C4orf51: variants seen among roughly 807,000 people sequenced by gnomAD.
The protein encoded by C4orf51 is chromosome 4 open reading frame 51.
A neutral mutation model predicts 25.2 loss-of-function variants in C4orf51; 25 were observed. The observed-to-expected ratio is 0.99, with a 90% CI of 0.72 to 1.39. The LOEUF is 1.39. Among genes scored for constraint, C4orf51 ranks in the 40% most tolerant of loss-of-function variants. The pLI is 0.00. For synonymous variants in C4orf51, 100 were observed against 84.5 expected, an observed-to-expected ratio of 1.18 and a Z score of -1.01; for missense variants, 252 against 239.6, an observed-to-expected ratio of 1.05 and a Z score of -0.34.
At chr4:145,744,801 C>T (rs751056786) in intron 1 of C4orf51, among the ~76,000 whole-genome samples, 9 of 149,650 alleles carry the variant, frequency 6.0e-5, no homozygotes, top group Admixed American at 2.0e-4. Flanking sequence ...TGCAGTGAGC[C>T]AAGATAGCGC....
chr4:145,711,581 C>T (rs1167721001), intron 2 of C4orf51, among the ~76,000 whole-genome samples: 1 of 152,084 alleles, frequency 6.6e-6, no homozygotes, highest in Non-Finnish European at 1.5e-5. Flanking sequence ...CCCCAAATCC[C>T]ATAGCCTTTC....
At chr4:145,721,678 G>A (rs1315456193) in intron 2 of C4orf51, among the ~76,000 whole-genome samples, 3 of 152,228 alleles carry the variant, frequency 2.0e-5, no homozygotes, top group African/African-American at 7.2e-5. Context: ...AACATTGGCA[G>A]CCAAGCCTGT....
chr4:145,782,674 C>T, the C4orf51 span, among the ~76,000 whole-genome samples: 1 of 152,312 alleles, frequency 6.6e-6, no homozygotes, highest in African/African-American at 2.4e-5. Context: ...TTCCGAGGCA[C>T]AAATCTCATC....
intron 1 of C4orf51, among the ~76,000 whole-genome samples, chr4:145,753,801 G>C (rs184221297): frequency 5.3e-5 from 8 of 152,262 alleles, no homozygotes; most frequent in Admixed American, 5.2e-4. Context: ...AGAGGCTATG[G>C]TGGAAGGCAG....
downstream of C4orf51, among the ~76,000 whole-genome samples, chr4:145,773,445 A>C (rs1366162718): frequency 3.3e-5 from 5 of 152,174 alleles, no homozygotes; most frequent in Non-Finnish European, 7.3e-5. Flanking sequence ...CACAACTGTC[A>C]GGGAAATTCC....
Position 145,731,564 on chromosome 4 carries a change from C to CTTTTTTTTTT in C4orf51, c.502-865_502-856dup, listed in dbSNP as rs398051305. 6.4e-4 allele frequency among the ~76,000 whole-genome samples: 28 copies of CTTTTTTTTTT among 43,876 alleles called. 2 individuals are homozygous for CTTTTTTTTTT. Among genetic ancestry groups the CTTTTTTTTTT allele is most frequent in the East Asian group, 2.5e-3 (3 of 1,206 alleles). The allele number at this position is 43,876 out of a possible 152,430, so 28.8% of individuals were successfully genotyped here. On this transcript the variant is annotated intron_variant, in intron 5 of 5. Transcript: ENST00000438731. The stretch of plus-strand genomic sequence containing the variant: ...TTTTTATTTATGAGACAAGGCAAAT[C>CTTTTTTTTTT]TTTTTTTTTTTTTTTTTTTTTTTTT...
At chr4:145,695,801 T>C (rs1265842812) in intron 1 of C4orf51, among the ~76,000 whole-genome samples, 2 of 152,084 alleles carry the variant, frequency 1.3e-5, no homozygotes, top group African/African-American at 4.8e-5. Context: ...GAAAATGGGG[T>C]ACATATACAT....
intron 1 of C4orf51, among the ~76,000 whole-genome samples, chr4:145,768,374 A>G (rs539565755): frequency 6.6e-6 from 1 of 152,264 alleles, no homozygotes; most frequent in Non-Finnish European, 1.5e-5. Flanking sequence ...CATGTTGGCC[A>G]GGCTGGTCTT....
At chr4:145,701,418 A>G (rs1730433687) in intron 2 of C4orf51, among the ~76,000 whole-genome samples, 2 of 152,078 alleles carry the variant, frequency 1.3e-5, no homozygotes, top group African/African-American at 2.4e-5. Context: ...CCTGCAGCCC[A>G]GGATTCCTCC....
intron 2 of C4orf51, among the ~76,000 whole-genome samples, chr4:145,704,899 G>A (rs1195335931): frequency 6.6e-6 from 1 of 152,278 alleles, no homozygotes; most frequent in East Asian, 1.9e-4. Flanking sequence ...GGTGAAGCAG[G>A]TGACTTGAGA....
At chr4:145,737,777 C>T (rs1732881518), downstream of C4orf51, among the ~76,000 whole-genome samples, 1 of 152,180 alleles carries the variant, frequency 6.6e-6, no homozygotes, top group Admixed American at 6.5e-5. Flanking sequence ...CGTAGATAAT[C>T]CTCTGTATCC....
chr4:145,701,546 C>A (rs956592895), intron 2 of C4orf51, among the ~76,000 whole-genome samples: 5 of 151,848 alleles, frequency 3.3e-5, no homozygotes, highest in African/African-American at 1.2e-4. Flanking sequence ...GACTCCTTGG[C>A]TTAGCGGCTG....
chr4:145,729,753 G>T, intron 4 of C4orf51, 139 bp from the exon 5 acceptor site: 1 of 654,984 alleles, frequency 1.5e-6, no homozygotes, highest in Non-Finnish European at 2.7e-6. Context: ...CACTCATGCT[G>T]GTGGCAGAGG....
intron 2 of C4orf51, among the ~76,000 whole-genome samples, chr4:145,697,175 C>T (rs1730124426): frequency 1.3e-5 from 2 of 150,596 alleles, no homozygotes; most frequent in Non-Finnish European, 2.9e-5. Context: ...TCTTGGCTCG[C>T]TGCAAACTTT....
chr4:145,768,890 AATATATAT>A lies in C4orf51; in HGVS notation n.167-2079_167-2072del, dbSNP rs1553975846. Among the ~76,000 whole-genome samples the A allele has an allele frequency of 4.9e-3, 38 of 7,724 alleles. 3 individuals carry two copies. Among genetic ancestry groups the A allele is most frequent in the South Asian group, 0.011 (2 of 186 alleles). 5.1% of individuals were successfully genotyped at this position (7,724 alleles called of 152,430 possible). A position where few individuals can be genotyped will look rare whatever the true frequency, so the allele number is the denominator to read the frequency against. On this transcript the variant is annotated intron_variant and non_coding_transcript_variant, in intron 1 of 1. Coordinates refer to the C4orf51 transcript ENST00000510096. ...AAAAAAAAAAAAAAAAAAAAAAAAA[AATATATAT>A]ATATATATATATATATATTAGGTAT...
At chr4:145,774,548 C>T (rs1736759957), downstream of C4orf51, 1 of 1,612,290 alleles carries the variant, frequency 6.2e-7, no homozygotes. Flanking sequence ...TCTGCTTCCT[C>T]CATGGTGACG....
At chr4:145,738,459 C>CATAT (rs58754234) in intron 1 of C4orf51, among the ~76,000 whole-genome samples, 21,158 of 146,372 alleles carry the variant, frequency 0.14, 1,535 homozygotes, top group Admixed American at 0.18. Flanking sequence ...CGAAAAAAAA[C>CATAT]ATATATATAT....
intron 2 of C4orf51, among the ~76,000 whole-genome samples, chr4:145,719,387 C>T (rs1302476447): frequency 6.6e-6 from 1 of 152,064 alleles, no homozygotes; most frequent in Non-Finnish European, 1.5e-5. Flanking sequence ...AGGCGGATCA[C>T]GAGGTCGGGA....
At chr4:145,768,906 T>TAC (rs1411822010) in intron 1 of C4orf51, among the ~76,000 whole-genome samples, 7 of 31,372 alleles carry the variant, frequency 2.2e-4, no homozygotes, top group Non-Finnish European at 4.9e-4. Context: ...TATATATATA[T>TAC]ATATATATAT....
Sources: gnomAD v4.1 joint callset for allele counts (sites outside exome capture counted in the v4.1 genomes callset) on GRCh38, gnomAD v4.1.1 for gene constraint, MANE v1.5 for transcripts, NCBI Gene and HGNC (gene_info 2026-07-23, HGNC 2026-07-21) for gene names.